ITPR2: variants seen among roughly 807,000 people sequenced by gnomAD.
ITPR2 encodes inositol 1,4,5-trisphosphate-gated calcium channel ITPR2.
Under a neutral mutation model 317.1 loss-of-function variants are expected in ITPR2, and 207 were observed. The observed-to-expected ratio is 0.65, with a 90% CI of 0.58 to 0.73. The LOEUF is 0.73. ITPR2 is among the 30% of genes least tolerant of loss of function. ITPR2 has a pLI of 0.00. For missense variants in ITPR2, 2,613 were observed against 3,284.0 expected (o/e 0.80, Z 4.99); for synonymous variants, 1,156 against 1,149.1 (o/e 1.01, Z -0.12).
At chr12:26,546,538 C>T (rs1278360630) in intron 37 of ITPR2, among the ~76,000 whole-genome samples, 1 of 152,132 alleles carries the variant, frequency 6.6e-6, no homozygotes, top group African/African-American at 2.4e-5. Context: ...ATATCATATT[C>T]TTTTGGAAGA....
chr12:26,666,479 T>C (rs1473164210), intron 13 of ITPR2, among the ~76,000 whole-genome samples: 2 of 152,190 alleles, frequency 1.3e-5, no homozygotes, highest in African/African-American at 2.4e-5. Context: ...CACAACTGAC[T>C]AGCAAAGCAG....
chr12:26,594,700 A>AT (rs138178618), intron 32 of ITPR2, among the ~76,000 whole-genome samples: 7 of 151,160 alleles, frequency 4.6e-5, no homozygotes, highest in South Asian at 4.2e-4. Flanking sequence ...GGAAAATTAG[A>AT]TTTTTTTTTA....
rs10527860 is a variant in ITPR2, at chr12:26,790,586, T to TACACACACACACACACACAC, written c.93-379_93-360dup. ...CCAATCAATAAGATACATATATGCT[T>TACACACACACACACACACAC]ACACACACACACACACACACACACA... On this transcript the variant is annotated intron_variant, in intron 1 of 56. Transcript: ENST00000381340. 7.8e-3 allele frequency among the ~76,000 whole-genome samples: 1,159 copies of TACACACACACACACACACAC among 147,776 alleles called. 12 individuals are homozygous for TACACACACACACACACACAC. The highest frequency in any genetic ancestry group is 0.014 in the Middle Eastern group (4 of 284).
At chr12:26,666,234 TGA>T (rs1168428449) in intron 13 of ITPR2, among the ~76,000 whole-genome samples, 183 bp from the exon 14 acceptor site, 1 of 152,112 alleles carries the variant, frequency 6.6e-6, no homozygotes, top group African/African-American at 2.4e-5. Context: ...TAATAAGAAC[TGA>T]AACACTTGAA....
chr12:26,398,943 A>C lies in ITPR2; in HGVS notation c.7629T>G (p.Thr2543=), dbSNP rs1940087191. 6.2e-7 allele frequency: 1 copy of C among 1,611,844 alleles called. No homozygotes were observed. The highest frequency in any genetic ancestry group is 2.2e-5 in the East Asian group (1 of 44,792). ...GTTTTTCGCTTCTGAGATCAGCAAAAGTATCGATGATAACACCAAAAATCA... is the reference window on the plus strand; with the variant it reads ...GTTTTTCGCTTCTGAGATCAGCAAACGTATCGATGATAACACCAAAAATCA... The part of the protein sequence containing the change: ...LNLIFGVIID[T]FADLRSEKQK... The change falls in exon 54 of 57, where the codon ACT becomes ACG. Residue 2543 remains threonine (T), a synonymous_variant. Coordinates refer to ENST00000381340, the MANE Select transcript of ITPR2 (RefSeq NM_002223.4).
At chr12:26,724,582 C>T in intron 4 of ITPR2, 74 bp downstream of exon 4, 1 of 849,320 alleles carries the variant, frequency 1.2e-6, no homozygotes, top group Non-Finnish European at 2.0e-6. Flanking sequence ...AATTTTAACG[C>T]AGTTTGGCTT....
In ITPR2 at chr12:26,385,234, CCTCCTACCCATGA is replaced by C. The variant is rs1197763247; in HGVS notation, c.7857+2187_7857+2199del. ...CTCAAGCTGTTGCCCCAACACTGCT[CCTCCTACCCATGA>C]CTCCTGGCCTCCAGTCTCACCTCAA... On this transcript the variant is annotated intron_variant, in intron 55 of 56. Transcript: ENST00000381340. 3.9e-5 allele frequency among the ~76,000 whole-genome samples: 6 copies of C among 152,266 alleles called. 1 individual carries two copies. The highest frequency in any genetic ancestry group is 1.4e-4 in the African/African-American group (6 of 41,546).
intron 49 of ITPR2, among the ~76,000 whole-genome samples, chr12:26,425,101 C>T (rs76023302): frequency 0.047 from 7,099 of 151,792 alleles, 236 homozygotes; most frequent in South Asian, 0.17. Flanking sequence ...ATGATATTCG[C>T]TAAAATATTT....
At chr12:26,424,471 G>A (rs1940985064) in intron 49 of ITPR2, among the ~76,000 whole-genome samples, 1 of 151,836 alleles carries the variant, frequency 6.6e-6, no homozygotes, top group Non-Finnish European at 1.5e-5. Context: ...AAAACTTAAG[G>A]TACAAGATAT....
At chr12:26,799,505 G>A (rs191252721) in intron 1 of ITPR2, among the ~76,000 whole-genome samples, 3 of 152,290 alleles carry the variant, frequency 2.0e-5, no homozygotes, top group African/African-American at 7.2e-5. Flanking sequence ...GTGAAACTAA[G>A]GGGAAAAACA....
At chr12:26,454,921 T>C (rs1417301565) in intron 45 of ITPR2, among the ~76,000 whole-genome samples, 1 of 152,182 alleles carries the variant, frequency 6.6e-6, no homozygotes, top group African/African-American at 2.4e-5. Context: ...TAATGCTCCT[T>C]AAGTTCCTGA....
At chr12:26,401,891 G>T (rs753386366) in intron 52 of ITPR2, among the ~76,000 whole-genome samples, 2 of 152,216 alleles carry the variant, frequency 1.3e-5, no homozygotes, top group Non-Finnish European at 2.9e-5. Flanking sequence ...CTTGAGAGGA[G>T]GGCTGAAGTC....
intron 9 of ITPR2, among the ~76,000 whole-genome samples, chr12:26,707,329 C>T (rs1426749770): frequency 6.6e-6 from 1 of 152,086 alleles, no homozygotes; most frequent in Non-Finnish European, 1.5e-5. Flanking sequence ...CAATATGTGT[C>T]TTTTTAAAAA....
chr12:26,654,156 G>T, intron 20 of ITPR2, 30 bp from the exon 21 acceptor site: 8 of 1,513,450 alleles, frequency 5.3e-6, no homozygotes, highest in Non-Finnish European at 7.0e-6. Context: ...CGGGGAGGGG[G>T]AGGGTGAAAG....
chr12:26,405,325 T>C (rs1016289890), intron 52 of ITPR2, among the ~76,000 whole-genome samples: 1 of 152,232 alleles, frequency 6.6e-6, no homozygotes, highest in African/African-American at 2.4e-5. Flanking sequence ...ACATTCTAGC[T>C]ATCATAATTA....
rs749655831 is a variant in ITPR2, at chr12:26,387,496, C to G, written c.7795G>C (p.Val2599Leu). The change falls in exon 55 of 57, where the codon GTG becomes CTG. Residue 2599 changes from valine (V) to leucine (L), a missense_variant. This residue lies in a region of ITPR2 where 119 missense variants were observed against 144.3 expected (regional missense o/e 0.82). Coordinates refer to ENST00000381340, the MANE Select transcript of ITPR2 (RefSeq NM_002223.4). ...MWHYLYFIVL[V>L]KVKDPTEYTG... Reference sequence around the variant, plus strand: ...TATTCTGTTGGGTCTTTAACTTTCACCAGGACTATGAAGTACAAATAATGC... The same window carrying G: ...TATTCTGTTGGGTCTTTAACTTTCAGCAGGACTATGAAGTACAAATAATGC... The G allele has an allele frequency of 2.5e-6, 4 of 1,613,690 alleles. No homozygotes were observed. In the South Asian group the frequency reaches 4.4e-5, roughly 18 times the overall value.
intron 54 of ITPR2, among the ~76,000 whole-genome samples, chr12:26,391,555 CCTTT>C (rs1276068642): frequency 1.3e-4 from 9 of 70,852 alleles, no homozygotes; most frequent in African/African-American, 1.1e-4. Context: ...TTCTTCTTTT[CCTTT>C]TTTTTTTTTT....
At chr12:26,827,373 GA>G (rs1331310804) in intron 1 of ITPR2, among the ~76,000 whole-genome samples, 1 of 152,032 alleles carries the variant, frequency 6.6e-6, no homozygotes. Context: ...GGATAATGGG[GA>G]AAAAAAGGAG....
At chr12:26,454,705 T>C (rs1312618514) in intron 45 of ITPR2, among the ~76,000 whole-genome samples, 1 of 152,040 alleles carries the variant, frequency 6.6e-6, no homozygotes, top group East Asian at 1.9e-4. Flanking sequence ...CTGGGAAAAC[T>C]TAGAGAGCTC....
Sources: gnomAD v4.1 joint callset for allele counts (sites outside exome capture counted in the v4.1 genomes callset) on GRCh38, gnomAD v4.1.1 for gene constraint, gnomAD v4.1.1 regional missense constraint, MANE v1.5 for transcripts, NCBI Gene and HGNC (gene_info 2026-07-23, HGNC 2026-07-21) for gene names.